HLA-DQB1: variants seen among roughly 807,000 people sequenced by gnomAD.
The protein encoded by HLA-DQB1 is HLA class II histocompatibility antigen, DQ beta 1 chain.
HLA-DQB1 carries 13 observed loss-of-function variants against 26.4 expected under a neutral mutation model. The ratio of observed to expected loss-of-function variants is 0.49; its 90% CI spans 0.32 to 0.78. The LOEUF is 0.78. HLA-DQB1 is among the 30% of genes least tolerant of loss of function. The probability of loss-of-function intolerance (pLI) is 0.03; values close to 1 mark genes in which losing one functional copy is unlikely to be tolerated. For synonymous variants in HLA-DQB1, 60 were observed against 129.1 expected, an observed-to-expected ratio of 0.46 and a Z score of 3.63; for missense variants, 158 against 326.2, an observed-to-expected ratio of 0.48 and a Z score of 3.97.
chr6:32,665,716 G>T (rs201814598), intron 1 of HLA-DQB1, among the ~76,000 whole-genome samples: 1 of 92,298 alleles, frequency 1.1e-5, no homozygotes, highest in Non-Finnish European at 2.3e-5. Flanking sequence ...CACCAGTTTG[G>T]GCAGGTTATG....
rs281861960 is a variant in HLA-DQB1, at chr6:32,665,177, G to A, written c.110-110C>T. 7.9e-5 allele frequency: 51 copies of A among 642,038 alleles called. 1 individual carries two copies. Among genetic ancestry groups the A allele is most frequent in the African/African-American group, 7.1e-4 (35 of 49,452 alleles). The allele number at this position is 642,038 out of a possible 1,614,324, so 39.8% of individuals were successfully genotyped here. ...ACCGCCCGCGCGACCTCCAGTTCCC[G>A]CCCGCCCGTGCCTGGCGCTCCAGAC... On this transcript the variant is annotated intron_variant, in intron 1 of 4. Coordinates refer to ENST00000434651, the Ensembl canonical transcript of HLA-DQB1.
chr6:32,660,142 G>A (rs1782842949), exon 5 of HLA-DQB1: 2 of 605,032 alleles, frequency 3.3e-6, no homozygotes, highest in South Asian at 2.1e-5. Context: ...ATCTCAGGGG[G>A]ACAAGCTGAC....
Position 32,664,780 on chromosome 6 carries a change from A to T in HLA-DQB1, c.379+18T>A. 1 of 846,292 alleles carries T rather than the reference A, an allele frequency of 1.2e-6. No homozygotes were observed. The highest frequency in any genetic ancestry group is 1.6e-6 in the Non-Finnish European group (1 of 606,938). 52.4% of individuals were successfully genotyped at this position (846,292 alleles called of 1,614,324 possible). On this transcript the variant is annotated intron_variant, in intron 2 of 4. Transcript: ENST00000434651. ...TCTCGGCCAAGGGTGGGCCTCACGGAGGGGCGACGACGCTCACCTCTCCTC... is the reference window on the plus strand; with the variant it reads ...TCTCGGCCAAGGGTGGGCCTCACGGTGGGGCGACGACGCTCACCTCTCCTC...
rs281862040 is a variant in HLA-DQB1, at chr6:32,665,080, A to G, written c.110-13T>C. 7.7e-7 allele frequency: 1 copy of G among 1,306,900 alleles called. No individual in the cohort carries two copies. The allele number at this position is 1,306,900 out of a possible 1,614,324, so 81.0% of individuals were successfully genotyped here. A position where few individuals can be genotyped will look rare whatever the true frequency, so the allele number is the denominator to read the frequency against. On this transcript the variant is annotated splice_polypyrimidine_tract_variant and intron_variant, in intron 1 of 4. Coordinates refer to ENST00000434651, the Ensembl canonical transcript of HLA-DQB1. ...AACACGAAATCCTCTGCGGGGAATC[A>G]CCGGCCGGTCAGTCAGGCCCCAGCC... is the stretch of plus-strand genomic sequence containing the variant.
intron 1 of HLA-DQB1, among the ~76,000 whole-genome samples, chr6:32,665,823 G>T (rs1402329335): frequency 1.6e-5 from 1 of 60,730 alleles, no homozygotes; most frequent in African/African-American, 5.3e-5. Flanking sequence ...GTTATATAAA[G>T]TATTGTTCTG....
At position 32,666,522 on chromosome 6, in the gene HLA-DQB1, A is replaced by ACC. The variant is rs749944694; in HGVS notation, c.85_86insGG (p.Leu29ArgfsTer32). ...ACCGGGAGAGTCTCTGCCCTCAGCCAGTAGGGAGCTCAGCATCGCCAGCAT... is the reference window on the plus strand; with the variant it reads ...ACCGGGAGAGTCTCTGCCCTCAGCCACCGTAGGGAGCTCAGCATCGCCAGCAT... On this transcript the variant is annotated frameshift_variant, in exon 1 of 5. Transcript: ENST00000434651. LOFTEE classifies it high-confidence loss of function. 117,917 of 1,087,994 alleles carry ACC rather than the reference A, an allele frequency of 0.11. 16,148 individuals carry two copies. The highest frequency in any genetic ancestry group is 0.36 in the East Asian group (12,452 of 34,740). The allele number at this position is 1,087,994 out of a possible 1,614,324, so 67.4% of individuals were successfully genotyped here.
exon 2 of HLA-DQB1, chr6:32,664,987 A>C: frequency 7.5e-7 from 1 of 1,339,192 alleles, no homozygotes; most frequent in South Asian, 1.2e-5. Flanking sequence ...TCTCGGTTAT[A>C]GATGTATCTG....
In HLA-DQB1 at chr6:32,664,947, C is replaced by T. The variant is rs1049083; in HGVS notation, c.230G>A (p.Gly77Glu). Residue 77 changes from glycine (G) to glutamate (E), a missense_variant, in exon 2 of 5, where the codon GGG becomes GAG. Physicochemically the swap from Gly to Glu is moderately conservative, Grantham distance 98. Transcript: ENST00000434651. The stretch of plus-strand genomic sequence containing the variant: ...CTGCGGCGTCACCGCGCGGTACACC[C>T]CCACGTCGCTGTCGAAGCGCGCGTA... 0.14 allele frequency: 181,347 copies of T among 1,267,182 alleles called. 25,956 individuals are homozygous for T. The highest frequency in any genetic ancestry group is 0.23 in the Middle Eastern group (1,154 of 5,002). 78.5% of individuals were successfully genotyped at this position (1,267,182 alleles called of 1,614,324 possible).
At chr6:32,666,393 GA>G (rs281860938) in intron 1 of HLA-DQB1, 105 bp downstream of exon 1, 1 of 348,390 alleles carries the variant, frequency 2.9e-6, no homozygotes, top group Non-Finnish European at 5.2e-6. Context: ...AAATGTTGAT[GA>G]AAGATTGTGT....
At position 32,664,104 on chromosome 6, in the gene HLA-DQB1, C is replaced by T. The variant is rs281862632; in HGVS notation, c.379+694G>A. On this transcript the variant is annotated intron_variant, in intron 2 of 4. Coordinates refer to ENST00000434651, the Ensembl canonical transcript of HLA-DQB1. Reference sequence around the variant, plus strand: ...TTTTTCTTGAACCTAACTGGATTGGCAGCTGAGTACATTTATTCATGAATT... The same window carrying T: ...TTTTTCTTGAACCTAACTGGATTGGTAGCTGAGTACATTTATTCATGAATT... 2 of 93,880 alleles carry T rather than the reference C, an allele frequency of 2.1e-5. 1 individual carries two copies. Among genetic ancestry groups the T allele is most frequent in the African/African-American group, 7.3e-5 (2 of 27,316 alleles). 5.8% of individuals were successfully genotyped at this position (93,880 alleles called of 1,614,324 possible).
chr6:32,666,067 T>G (rs9274487), intron 1 of HLA-DQB1, among the ~76,000 whole-genome samples: 1 of 111,238 alleles, frequency 9.0e-6, no homozygotes. Flanking sequence ...CAAATTTTCC[T>G]CAAATACAGA....
chr6:32,665,093 T>TCCGGCCCGGGC, intron 1 of HLA-DQB1, 26 bp from the exon 2 acceptor site: 1 of 1,111,688 alleles, frequency 9.0e-7, no homozygotes, highest in Middle Eastern at 3.3e-4. Context: ...GGCCGGTCAG[T>TCCGGCCCGGGC]CAGGCCCCAG....
chr6:32,665,574 T>A (rs67311368), intron 1 of HLA-DQB1, among the ~76,000 whole-genome samples: 28,360 of 116,624 alleles, frequency 0.24, 5,436 homozygotes, highest in East Asian at 0.3. Context: ...CCCTCCCAAG[T>A]CCCGTTGAGG....
chr6:32,662,842 G>A (rs9274189), intron 2 of HLA-DQB1: 70,702 of 133,858 alleles, frequency 0.53, 20,954 homozygotes, highest in Middle Eastern at 0.68. Context: ...TCTTTTTAAC[G>A]CACAAGTGAG....
rs1251210368 is a variant in HLA-DQB1, at chr6:32,660,243, A to C, written c.779T>G (p.Leu260Arg). 2 of 1,020,416 alleles carry C rather than the reference A, an allele frequency of 2.0e-6. 1 individual carries two copies. Among genetic ancestry groups the C allele is most frequent in the South Asian group, 3.1e-5 (2 of 65,412 alleles). 63.2% of individuals were successfully genotyped at this position (1,020,416 alleles called of 1,614,324 possible). A position where few individuals can be genotyped will look rare whatever the true frequency, so the allele number is the denominator to read the frequency against. ...TTAAAATAGTCTCAGGAGTCAGTGC[A>C]GAAGCCCTGGAGAAGAGAGAAGAGC... The change falls in exon 5 of 5, where the codon CTG becomes CGG. Residue 260 changes from leucine (L) to arginine (R), a missense_variant. Leu to Arg is a moderately radical substitution (Grantham distance 102). Coordinates refer to ENST00000434651, the Ensembl canonical transcript of HLA-DQB1.
exon 3 of HLA-DQB1, chr6:32,661,987 C>T (rs1130398): frequency 0.32 from 427,486 of 1,353,402 alleles, 92,146 homozygotes; most frequent in Admixed American, 0.53. Context: ...GGTGATGGGG[C>T]TCTGGAGGCT....
intron 3 of HLA-DQB1, 54 bp downstream of exon 3, chr6:32,661,913 A>C (rs1783094731): frequency 2.7e-6 from 3 of 1,120,514 alleles, no homozygotes; most frequent in African/African-American, 4.3e-5. Context: ...AATGGGTCAG[A>C]AGGAGCTCTT....
exon 3 of HLA-DQB1, chr6:32,662,186 C>T (rs1049100): frequency 0.19 from 273,977 of 1,427,368 alleles, 42,190 homozygotes; most frequent in African/African-American, 0.24. Flanking sequence ...ACCGAGCAGA[C>T]CAGCAGGTTG....
At chr6:32,664,669 G>A (rs28746788) in intron 2 of HLA-DQB1, 129 bp downstream of exon 2, 63,800 of 176,486 alleles carry the variant, frequency 0.36, 19,473 homozygotes, top group East Asian at 0.55. Flanking sequence ...CCCCGCCGCC[G>A]CCTCCTTTCC....
Sources: allele counts gnomAD v4.1 joint callset (sites outside exome capture counted in the v4.1 genomes callset), GRCh38; gene constraint gnomAD v4.1.1; transcripts MANE v1.5; gene names NCBI Gene and HGNC (gene_info 2026-07-23, HGNC 2026-07-21).